HIF3A: variants seen among roughly 807,000 people sequenced by gnomAD.
HIF3A encodes hypoxia inducible factor 3 subunit alpha.
A neutral mutation model predicts 67.2 loss-of-function variants in HIF3A; 41 were observed. The ratio of observed to expected loss-of-function variants is 0.61; its 90% confidence interval spans 0.48 to 0.79. The LOEUF (loss-of-function observed/expected upper bound fraction) is 0.79, where lower values mean the gene tolerates loss of function less well. Ranked by LOEUF, HIF3A falls within the 30% of genes least tolerant of loss-of-function variation. HIF3A has a pLI of 0.00. For missense variants in HIF3A, 855 were observed against 898.0 expected (o/e 0.95, Z 0.61); for synonymous variants, 356 against 374.8 (o/e 0.95, Z 0.58).
rs2147341720 is a variant in HIF3A at position 46,340,760 on chromosome 19, CA to C, written c.*1141del. 6.6e-6 allele frequency: 1 copy of C among 152,460 alleles called. No homozygotes were observed. The highest frequency in any genetic ancestry group is 1.9e-4 in the East Asian group (1 of 5,190). 9.4% of individuals were successfully genotyped at this position (152,460 alleles called of 1,614,324 possible). On this transcript the variant is annotated 3_prime_UTR_variant, in exon 15 of 15. Transcript: ENST00000377670. ...AAGTGCTCCACCTGCCTCAGCCTTC[CA>C]AAGTGCTGGGATTACAGGCGTGAGC...
intron 1 of HIF3A, chr19:46,298,283 C>G: frequency 1.6e-6 from 1 of 624,940 alleles, no homozygotes; most frequent in South Asian, 1.7e-5. Context: ...CTATCCCACC[C>G]CTTTTGGGCC....
intron 14 of HIF3A, chr19:46,338,608 T>C (rs1236633418): frequency 2.3e-6 from 2 of 873,354 alleles, no homozygotes; most frequent in Non-Finnish European, 2.9e-6. Flanking sequence ...CCAGTACTAG[T>C]TATGGTTCAA....
chr19:46,305,210 T>C (rs772490349), intron 2 of HIF3A, 35 bp from the exon 3 acceptor site: 60 of 1,613,120 alleles, frequency 3.7e-5, no homozygotes, highest in Non-Finnish European at 4.7e-5. Flanking sequence ...CATAACTGAC[T>C]AGAGATGCCC....
chr19:46,330,267 T>G lies in HIF3A; in HGVS notation c.1712+789T>G, dbSNP rs1488929687. Among the ~76,000 whole-genome samples the G allele has an allele frequency of 7.2e-5, 11 of 152,286 alleles. No individual in the cohort carries two copies. In the East Asian group the frequency reaches 1.9e-3, roughly 27 times the overall value. On this transcript the variant is annotated intron_variant, in intron 12 of 14. Coordinates refer to ENST00000377670, the MANE Select transcript of HIF3A (RefSeq NM_152795.4). The stretch of plus-strand genomic sequence containing the variant: ...TTATTAATGAATATAGTTGGCACTT[T>G]AATGGGTGGACAGGTGGATGGATGC...
At position 46,342,901 on chromosome 19, in the gene HIF3A, C is replaced by G. The variant is rs906838479; in HGVS notation, c.*3279C>G. 9.2e-5 allele frequency: 14 copies of G among 152,438 alleles called. No individual in the cohort carries two copies. The highest frequency in any genetic ancestry group is 3.4e-4 in the African/African-American group (14 of 41,394). The allele number at this position is 152,438 out of a possible 1,614,324, so 9.4% of individuals were successfully genotyped here. On this transcript the variant is annotated 3_prime_UTR_variant, in exon 15 of 15. Coordinates refer to ENST00000377670, the MANE Select transcript of HIF3A (RefSeq NM_152795.4). Reference sequence around the variant, plus strand: ...TGCCTACAATCTCTGTGCCCCAGAACCCCCTCCACTTCCCACCCCAGCCCT... The same window carrying G: ...TGCCTACAATCTCTGTGCCCCAGAAGCCCCTCCACTTCCCACCCCAGCCCT...
intron 8 of HIF3A, among the ~76,000 whole-genome samples, chr19:46,314,876 C>T (rs964118854): frequency 6.8e-6 from 1 of 146,192 alleles, no homozygotes; most frequent in Non-Finnish European, 1.5e-5. Flanking sequence ...CGATTTTTTA[C>T]ACAAAAATAT....
chr19:46,327,320 C>CTT (rs113938190), intron 11 of HIF3A, among the ~76,000 whole-genome samples: 1 of 141,572 alleles, frequency 7.1e-6, no homozygotes. Context: ...TTTCTTTTTT[C>CTT]TTTTTTTTTT....
rs542186240 is a variant in HIF3A at position 46,324,985 on chromosome 19, T to TTGTGTGTGTGTGTGTG, written c.1336-535_1336-520dup. On this transcript the variant is annotated intron_variant, in intron 10 of 14. Transcript: ENST00000377670. ...ACATACACACACACACACACATATA[T>TTGTGTGTGTGTGTGTG]TGTGTGTGTGTGTGTGTGTGTGTGT... Among the ~76,000 whole-genome samples, 516 of 127,920 alleles carry TTGTGTGTGTGTGTGTG rather than the reference T, an allele frequency of 4.0e-3. 10 individuals are homozygous for TTGTGTGTGTGTGTGTG. Among genetic ancestry groups the TTGTGTGTGTGTGTGTG allele is most frequent in the African/African-American group, 0.013 (454 of 33,850 alleles). The allele number at this position is 127,920 out of a possible 152,430, so 83.9% of individuals were successfully genotyped here.
chr19:46,298,353 G>A, intron 1 of HIF3A: 1 of 1,281,038 alleles, frequency 7.8e-7, no homozygotes, highest in Non-Finnish European at 1.0e-6. Context: ...CCTCTTGGCT[G>A]AGCTCGGGTG....
At chr19:46,322,186 C>T (rs1189534397) in intron 10 of HIF3A, among the ~76,000 whole-genome samples, 1 of 152,174 alleles carries the variant, frequency 6.6e-6, no homozygotes, top group Non-Finnish European at 1.5e-5. Flanking sequence ...GAAAAACTCT[C>T]TCAAGCTATG....
chr19:46,312,882 A>ATTTTTTTTTTTTTTT (rs531816670), intron 8 of HIF3A: 7 of 879,336 alleles, frequency 8.0e-6, no homozygotes, highest in Non-Finnish European at 7.8e-6. Context: ...TAGACTGTTA[A>ATTTTTTTTTTTTTTT]TTTTTTTTTT....
At position 46,303,990 on chromosome 19, in the gene HIF3A, C is replaced by G; in HGVS notation, c.119C>G (p.Thr40Arg). The G allele has an allele frequency of 6.3e-7, 1 of 1,598,934 alleles. No individual in the cohort carries two copies. The highest frequency in any genetic ancestry group is 8.5e-7 in the Non-Finnish European group (1 of 1,173,562). Residue 40 changes from threonine to arginine, a missense_variant, in exon 2 of 15, where the codon ACG (threonine) becomes AGG (arginine). Physicochemically the swap from Thr to Arg is moderately conservative, Grantham distance 71 (BLOSUM62 -1). Around this residue, in one of 3 missense-constraint regions of HIF3A, gnomAD observed 638 missense variants for 660.5 expected, o/e 0.97. Coordinates refer to ENST00000377670, the MANE Select transcript of HIF3A (RefSeq NM_152795.4). ...GAGGTGCTGTACCAGCTGGCTCACACGCTGCCCTTCGCCCGCGGCGTCAGC... is the reference window on the plus strand; with the variant it reads ...GAGGTGCTGTACCAGCTGGCTCACAGGCTGCCCTTCGCCCGCGGCGTCAGC... Reference protein sequence around the residue: ...ETEVLYQLAHTLPFARGVSAH... With the variant: ...ETEVLYQLAHRLPFARGVSAH...
chr19:46,329,820 G>A (rs1417323606), intron 12 of HIF3A, among the ~76,000 whole-genome samples: 1 of 152,042 alleles, frequency 6.6e-6, no homozygotes, highest in Non-Finnish European at 1.5e-5. Context: ...TCTAAGCCGG[G>A]TGTGGTGGTG....
chr19:46,302,414 G>A (rs1021988178), intron 1 of HIF3A, among the ~76,000 whole-genome samples: 21 of 151,860 alleles, frequency 1.4e-4, no homozygotes, highest in Non-Finnish European at 2.6e-4. Context: ...ACAGGCGTGA[G>A]CCACTGCGCC....
intron 2 of HIF3A, among the ~76,000 whole-genome samples, chr19:46,304,481 C>T (rs1308597816): frequency 6.6e-6 from 1 of 152,128 alleles, no homozygotes; most frequent in Non-Finnish European, 1.5e-5. Flanking sequence ...GGCTGCGCCG[C>T]CCAACTTTTC....
intron 14 of HIF3A, among the ~76,000 whole-genome samples, chr19:46,335,233 C>G (rs781720789): frequency 6.6e-6 from 1 of 150,458 alleles, no homozygotes; most frequent in Non-Finnish European, 1.5e-5. Flanking sequence ...CTGGAGCCTG[C>G]ACGCCTATGA....
chr19:46,321,476 C>A (rs1280216631), intron 9 of HIF3A, among the ~76,000 whole-genome samples: 1 of 152,170 alleles, frequency 6.6e-6, no homozygotes, highest in African/African-American at 2.4e-5. Context: ...CCCAGCTACT[C>A]TGGAGACTGA....
At chr19:46,334,655 C>A (rs1183141304) in intron 13 of HIF3A, among the ~76,000 whole-genome samples, 1 of 152,140 alleles carries the variant, frequency 6.6e-6, no homozygotes, top group Non-Finnish European at 1.5e-5. Context: ...TCAAGGGATC[C>A]TCTCACCTCA....
intron 13 of HIF3A, among the ~76,000 whole-genome samples, chr19:46,331,913 G>A (rs1005162160): frequency 1.3e-4 from 19 of 151,400 alleles, no homozygotes; most frequent in African/African-American, 4.6e-4. Context: ...AGCAGGCTAA[G>A]GGGAGAAATG....
Sources: gnomAD v4.1 joint callset for allele counts (sites outside exome capture counted in the v4.1 genomes callset) on GRCh38, gnomAD v4.1.1 for gene constraint, gnomAD v4.1.1 regional missense constraint, MANE v1.5 for transcripts, NCBI Gene and HGNC (gene_info 2026-07-23, HGNC 2026-07-21) for gene names.